Variants in KIF6 observed in about 807,000 individuals in gnomAD.
The protein encoded by KIF6 is kinesin family member 6.
KIF6 carries 106 observed loss-of-function variants against 112.7 expected under a neutral mutation model. The observed-to-expected ratio is 0.94, with a 90% confidence interval of 0.80 to 1.11. The LOEUF (loss-of-function observed/expected upper bound fraction) is 1.11, where lower values mean the gene tolerates loss of function less well. Ranked by LOEUF, KIF6 falls within the 50% of genes least tolerant of loss-of-function variation. The probability of loss-of-function intolerance (pLI) is 0.00; values close to 1 mark genes in which losing one functional copy is unlikely to be tolerated. For synonymous variants in KIF6, 339 were observed against 339.9 expected, an observed-to-expected ratio of 1.00 and a Z score of 0.03; for missense variants, 929 against 964.0, an observed-to-expected ratio of 0.96 and a Z score of 0.48.
intron 15 of KIF6, among the ~76,000 whole-genome samples, chr6:39,415,999 G>C (rs1339152247): frequency 6.6e-6 from 1 of 152,188 alleles, no homozygotes; most frequent in Non-Finnish European, 1.5e-5. Flanking sequence ...TGATTGCTGA[G>C]TGCCTCACTA....
chr6:39,400,900 C>T (rs768280392), intron 15 of KIF6, among the ~76,000 whole-genome samples: 10 of 152,136 alleles, frequency 6.6e-5, no homozygotes, highest in Admixed American at 5.2e-4. Flanking sequence ...ATTTTCTGTA[C>T]CACAGAAATC....
chr6:39,534,608 G>A (rs1396401723), intron 13 of KIF6, among the ~76,000 whole-genome samples: 1 of 152,180 alleles, frequency 6.6e-6, no homozygotes, highest in Non-Finnish European at 1.5e-5. Flanking sequence ...AAAGTGATGG[G>A]GAGAATGGAA....
chr6:39,586,100 A>G (rs1343468094), intron 8 of KIF6, among the ~76,000 whole-genome samples, 161 bp downstream of exon 8: 2 of 152,224 alleles, frequency 1.3e-5, no homozygotes, highest in Admixed American at 1.3e-4. Flanking sequence ...AATAGCCCAC[A>G]GCTATAACAA....
chr6:39,570,465 G>A (rs1400430471), intron 10 of KIF6, among the ~76,000 whole-genome samples: 1 of 152,150 alleles, frequency 6.6e-6, no homozygotes, highest in African/African-American at 2.4e-5. Flanking sequence ...TGATTGATGT[G>A]GCTAAGTGAA....
intron 10 of KIF6, among the ~76,000 whole-genome samples, chr6:39,555,400 C>T (rs1779642230): frequency 6.6e-6 from 1 of 152,136 alleles, no homozygotes; most frequent in Non-Finnish European, 1.5e-5. Flanking sequence ...TTTGCTGCCC[C>T]CCACCCTCTG....
rs377686492 is a variant in KIF6 at position 39,494,750 on chromosome 6, T to C, written c.1645+45253A>G. ...ATGAATGGTTAGGTATTCCCACTAT[T>C]TTAACCAAATAGGTAAAATCCATAA... On this transcript the variant is annotated intron_variant, in intron 13 of 22. Coordinates refer to ENST00000287152, the MANE Select transcript of KIF6 (RefSeq NM_145027.6). Among the ~76,000 whole-genome samples, 4 of 152,284 alleles carry C rather than the reference T, an allele frequency of 2.6e-5. No homozygotes were observed. In the East Asian group the frequency reaches 5.8e-4, roughly 22 times the overall value.
intron 16 of KIF6, among the ~76,000 whole-genome samples, chr6:39,366,358 C>T (rs1765553335): frequency 6.6e-6 from 1 of 152,194 alleles, no homozygotes; most frequent in African/African-American, 2.4e-5. Flanking sequence ...AGTCTAGTCA[C>T]TCATCCGCTT....
chr6:39,444,587 C>A (rs897503249), intron 13 of KIF6, among the ~76,000 whole-genome samples: 1 of 152,098 alleles, frequency 6.6e-6, no homozygotes, highest in Non-Finnish European at 1.5e-5. Context: ...GTATTATTAA[C>A]TACAGTCACC....
At chr6:39,635,288 C>CA (rs1432299586) in intron 4 of KIF6, among the ~76,000 whole-genome samples, 1 of 151,378 alleles carries the variant, frequency 6.6e-6, no homozygotes, top group Admixed American at 6.6e-5. Context: ...CTTTCCAGAC[C>CA]AAAAAAGGTT....
intron 10 of KIF6, among the ~76,000 whole-genome samples, chr6:39,566,365 G>A (rs192216349): frequency 6.6e-6 from 1 of 152,112 alleles, no homozygotes; most frequent in Non-Finnish European, 1.5e-5. Context: ...TTATGATTCA[G>A]GCTGCTACTT....
intron 19 of KIF6, among the ~76,000 whole-genome samples, chr6:39,355,625 G>A (rs180896394): frequency 5.9e-4 from 90 of 151,690 alleles, no homozygotes; most frequent in African/African-American, 2.1e-3. Flanking sequence ...CACCACACCT[G>A]GTATTTTTGT....
intron 6 of KIF6, among the ~76,000 whole-genome samples, chr6:39,606,768 A>G (rs1782912513): frequency 6.6e-6 from 1 of 152,182 alleles, no homozygotes; most frequent in African/African-American, 2.4e-5. Context: ...TCCACCTTCT[A>G]TAGTTAGAAT....
chr6:39,529,902 A>G (rs568392013), intron 13 of KIF6, among the ~76,000 whole-genome samples: 1 of 152,358 alleles, frequency 6.6e-6, no homozygotes, highest in Non-Finnish European at 1.5e-5. Flanking sequence ...AATTCTGCCC[A>G]TCCTTTGAGA....
chr6:39,583,486 CAAG>C (rs1781411832), intron 9 of KIF6: 4 of 471,522 alleles, frequency 8.5e-6, no homozygotes, highest in Non-Finnish European at 1.8e-5. Flanking sequence ...CTTTCTGAGG[CAAG>C]AAGAACATAA....
At chr6:39,355,783 CT>C (rs35824483) in intron 19 of KIF6, among the ~76,000 whole-genome samples, 62,871 of 144,790 alleles carry the variant, frequency 0.43, 14,005 homozygotes, top group African/African-American at 0.59. Context: ...TTTAAGAATA[CT>C]TTTTTTTTTT....
intron 13 of KIF6, among the ~76,000 whole-genome samples, chr6:39,493,104 T>A (rs974167121): frequency 9.2e-5 from 14 of 152,216 alleles, no homozygotes; most frequent in Admixed American, 5.2e-4. Context: ...GCCTTACACC[T>A]TTCCTCCTTC....
chr6:39,363,010 G>C (rs767504819), intron 16 of KIF6, among the ~76,000 whole-genome samples: 2 of 152,058 alleles, frequency 1.3e-5, no homozygotes, highest in Non-Finnish European at 2.9e-5. Context: ...TTAGCTGGGC[G>C]TGGTGGCGGG....
At position 39,637,429 on chromosome 6, in the gene KIF6, A is replaced by C. The variant is rs575361821; in HGVS notation, c.399+2181T>G. ...TGCAGACAGCCTTTTCTCCTGCCCCAAAACAAGTTTGAAACTCACAATACC... is the reference window on the plus strand; with the variant it reads ...TGCAGACAGCCTTTTCTCCTGCCCCCAAACAAGTTTGAAACTCACAATACC... On this transcript the variant is annotated intron_variant, in intron 4 of 22. Transcript: ENST00000287152. Among the ~76,000 whole-genome samples the C allele has an allele frequency of 5.3e-5, 8 of 152,164 alleles. No individual in the cohort carries two copies. In the South Asian group the frequency reaches 1.7e-3, roughly 32 times the overall value.
At chr6:39,641,552 G>T (rs930377566) in intron 3 of KIF6, among the ~76,000 whole-genome samples, 3 of 151,604 alleles carry the variant, frequency 2.0e-5, no homozygotes, top group Non-Finnish European at 4.4e-5. Context: ...TAAATAACGA[G>T]TTAATGGGTG....
Sources: allele counts gnomAD v4.1 joint callset (sites outside exome capture counted in the v4.1 genomes callset), GRCh38; gene constraint gnomAD v4.1.1; transcripts MANE v1.5; gene names NCBI Gene and HGNC (gene_info 2026-07-23, HGNC 2026-07-21).